Variants in PRELID2 observed in about 807,000 individuals in gnomAD.
The protein encoded by PRELID2 is PRELI domain containing 2.
A neutral mutation model predicts 28.4 loss-of-function variants in PRELID2; 25 were observed. The ratio of observed to expected loss-of-function variants is 0.88; its 90% CI spans 0.64 to 1.23. PRELID2 has a LOEUF of 1.23. Among genes scored for constraint, PRELID2 ranks in the 50% most tolerant of loss-of-function variants. The pLI, the probability that PRELID2 is intolerant of heterozygous loss-of-function variation, is 0.00. For synonymous variants in PRELID2, 76 were observed against 71.6 expected, an observed-to-expected ratio of 1.06 and a Z score of -0.31; for missense variants, 201 against 214.4, an observed-to-expected ratio of 0.94 and a Z score of 0.39.
At chr5:145,302,558 A>T in the PRELID2 span, among the ~76,000 whole-genome samples, 1 of 151,918 alleles carries the variant, frequency 6.6e-6, no homozygotes, top group Non-Finnish European at 1.5e-5. Flanking sequence ...CTTTCAATAT[A>T]GATAGAGTTG....
chr5:145,238,963 C>CTCTATCTATCTA, the PRELID2 span, among the ~76,000 whole-genome samples: 68 of 151,946 alleles, frequency 4.5e-4, no homozygotes, highest in African/African-American at 1.5e-3. Context: ...ATCTATCTGT[C>CTCTATCTATCTA]TCTATCTATC....
At chr5:145,408,404 T>C in the PRELID2 span, among the ~76,000 whole-genome samples, 2 of 122,548 alleles carry the variant, frequency 1.6e-5, no homozygotes, top group Non-Finnish European at 3.8e-5. Flanking sequence ...TTTATATATA[T>C]ATATATATAT....
chr5:145,655,895 T>C (rs201127917), intron 1 of PRELID2, among the ~76,000 whole-genome samples: 1 of 152,042 alleles, frequency 6.6e-6, no homozygotes, highest in Non-Finnish European at 1.5e-5. Context: ...CCAAAATTGA[T>C]AAATGGGATC....
In PRELID2 at chr5:145,528,720, CACACACAGAGAGAGAG is replaced by C. The variant is rs1357304038; in HGVS notation, n.71-55421_71-55406del. ...ACACACACACACACACACACACACA[CACACACAGAGAGAGAG>C]AGAGAGAGAGAGAGAGTAAGTCACT... is the stretch of plus-strand genomic sequence containing the variant. On this transcript the variant is annotated intron_variant and non_coding_transcript_variant, in intron 1 of 2. Transcript: ENST00000510259. Among the ~76,000 whole-genome samples, 9 of 134,742 alleles carry C rather than the reference CACACACAGAGAGAGAG, an allele frequency of 6.7e-5. 1 individual carries two copies. The highest frequency in any genetic ancestry group is 2.6e-4 in the African/African-American group (9 of 34,410). 88.4% of individuals were successfully genotyped at this position (134,742 alleles called of 152,430 possible).
At chr5:145,595,882 T>C (rs1753298126) in intron 1 of PRELID2, among the ~76,000 whole-genome samples, 1 of 152,008 alleles carries the variant, frequency 6.6e-6, no homozygotes, top group Admixed American at 6.6e-5. Context: ...TCAGATAAAA[T>C]GAAACCAACA....
intron 1 of PRELID2, among the ~76,000 whole-genome samples, chr5:145,650,006 A>C (rs890908906): frequency 6.6e-6 from 1 of 152,074 alleles, no homozygotes; most frequent in African/African-American, 2.4e-5. Flanking sequence ...AATATCTGAG[A>C]CTCTGAAGGA....
chr5:145,278,190 A>G, the PRELID2 span, among the ~76,000 whole-genome samples: 1 of 152,124 alleles, frequency 6.6e-6, no homozygotes, highest in Non-Finnish European at 1.5e-5. Flanking sequence ...AGGGAATATC[A>G]CTAGCATCAT....
intron 1 of PRELID2, among the ~76,000 whole-genome samples, chr5:145,593,156 T>G (rs1401558180): frequency 1.3e-5 from 2 of 152,204 alleles, no homozygotes; most frequent in East Asian, 3.8e-4. Flanking sequence ...GTAAAATTCA[T>G]GATATATTTT....
the PRELID2 span, among the ~76,000 whole-genome samples, chr5:145,431,716 A>G: frequency 2.0e-5 from 3 of 152,232 alleles, no homozygotes; most frequent in East Asian, 1.9e-4. Context: ...CAATGTATCC[A>G]GTTCATGAAA....
intron 1 of PRELID2, among the ~76,000 whole-genome samples, chr5:145,496,535 C>T (rs112162946): frequency 0.011 from 1,699 of 152,214 alleles, 22 homozygotes; most frequent in African/African-American, 0.039. Context: ...GGAGGAAAAA[C>T]ATGTTGCCAG....
chr5:145,663,837 T>C (rs1754539240), intron 1 of PRELID2, among the ~76,000 whole-genome samples: 1 of 152,130 alleles, frequency 6.6e-6, no homozygotes, highest in African/African-American at 2.4e-5. Flanking sequence ...CGAGGACTAA[T>C]TGAAGAGATT....
At chr5:145,593,903 T>A (rs577901460) in intron 1 of PRELID2, among the ~76,000 whole-genome samples, 1 of 152,158 alleles carries the variant, frequency 6.6e-6, no homozygotes, top group Admixed American at 6.5e-5. Flanking sequence ...AATGAGACAA[T>A]CTGGGAACCT....
the PRELID2 span, among the ~76,000 whole-genome samples, chr5:145,419,131 G>C: frequency 6.7e-6 from 1 of 150,372 alleles, no homozygotes; most frequent in Non-Finnish European, 1.5e-5. Context: ...GTCTATCATT[G>C]TTGGACATTT....
intron 1 of PRELID2, among the ~76,000 whole-genome samples, chr5:145,512,720 C>A (rs748207018): frequency 2.6e-5 from 4 of 152,198 alleles, no homozygotes; most frequent in Non-Finnish European, 4.4e-5. Flanking sequence ...TCAACCGACA[C>A]CTCATACAGA....
chr5:145,826,579 A>G (rs755926503), intron 1 of PRELID2, among the ~76,000 whole-genome samples: 1 of 152,198 alleles, frequency 6.6e-6, no homozygotes, highest in Non-Finnish European at 1.5e-5. Flanking sequence ...ACATGAAACT[A>G]CTACAAATAC....
chr5:145,291,400 T>C, the PRELID2 span, among the ~76,000 whole-genome samples: 2 of 145,036 alleles, frequency 1.4e-5, no homozygotes, highest in Non-Finnish European at 3.0e-5. Flanking sequence ...AAGAAGTCCA[T>C]GTAACCCTGG....
At chr5:145,296,680 G>C in the PRELID2 span, among the ~76,000 whole-genome samples, 401 of 152,278 alleles carry the variant, frequency 2.6e-3, 2 homozygotes, top group African/African-American at 9.4e-3. Flanking sequence ...ATAGCAGCAT[G>C]ATTTATAGTC....
At chr5:145,259,629 G>A in the PRELID2 span, among the ~76,000 whole-genome samples, 2 of 152,176 alleles carry the variant, frequency 1.3e-5, no homozygotes, top group African/African-American at 4.8e-5. Flanking sequence ...CTTTTGGAAT[G>A]AGAATATCTA....
chr5:145,345,517 G>C, the PRELID2 span, among the ~76,000 whole-genome samples: 4 of 152,124 alleles, frequency 2.6e-5, no homozygotes, highest in East Asian at 7.7e-4. Flanking sequence ...CAGAAAGATG[G>C]AAAATTCTGT....
Sources: allele counts gnomAD v4.1 joint callset (sites outside exome capture counted in the v4.1 genomes callset), GRCh38; gene constraint gnomAD v4.1.1; transcripts MANE v1.5; gene names NCBI Gene and HGNC (gene_info 2026-07-23, HGNC 2026-07-21).